FNBP1L: variants seen among roughly 807,000 people sequenced by gnomAD.
The protein encoded by FNBP1L is formin-binding protein 1-like.
FNBP1L carries 36 observed loss-of-function variants against 91.2 expected under a neutral mutation model. The observed-to-expected ratio is 0.39, with a 90% CI of 0.30 to 0.52. FNBP1L has a LOEUF of 0.52. FNBP1L is among the 20% of genes least tolerant of loss of function. The pLI is 0.66. For synonymous variants in FNBP1L, 242 were observed against 237.0 expected, an observed-to-expected ratio of 1.02 and a Z score of -0.19; for missense variants, 571 against 732.1, an observed-to-expected ratio of 0.78 and a Z score of 2.54.
chr1:93,544,839 G>A (rs956516318), intron 12 of FNBP1L, among the ~76,000 whole-genome samples: 2 of 152,064 alleles, frequency 1.3e-5, no homozygotes, highest in Non-Finnish European at 2.9e-5. Flanking sequence ...GGTGTGATGT[G>A]GCGCTTAATC....
chr1:93,448,770 C>T (rs1385875566), intron 1 of FNBP1L, among the ~76,000 whole-genome samples: 1 of 152,148 alleles, frequency 6.6e-6, no homozygotes, highest in Admixed American at 6.5e-5. Context: ...TCGCCCGGGC[C>T]AGGTCCGCGG....
At chr1:93,487,689 T>G (rs1485243863) in intron 1 of FNBP1L, among the ~76,000 whole-genome samples, 2 of 152,174 alleles carry the variant, frequency 1.3e-5, no homozygotes, top group Admixed American at 6.5e-5. Context: ...GACTAAGATT[T>G]TCATCACTGT....
At chr1:93,545,444 C>T (rs1353502868) in intron 12 of FNBP1L, among the ~76,000 whole-genome samples, 1 of 152,078 alleles carries the variant, frequency 6.6e-6, no homozygotes, top group Non-Finnish European at 1.5e-5. Context: ...TGTGAATGTT[C>T]TTGCCATGGA....
At chr1:93,537,778 G>A (rs949101475) in intron 10 of FNBP1L, among the ~76,000 whole-genome samples, 2 of 152,082 alleles carry the variant, frequency 1.3e-5, no homozygotes, top group African/African-American at 4.8e-5. Flanking sequence ...TCATATTTGG[G>A]ATTTCTATTG....
intron 2 of FNBP1L, among the ~76,000 whole-genome samples, chr1:93,507,099 ACACACACACTCTCTCTCTCTCTCTCT>A (rs1298426729): frequency 3.7e-3 from 244 of 66,312 alleles, no homozygotes; most frequent in Non-Finnish European, 4.7e-3. Context: ...ACACACACAC[ACACACACACTCTCTCTCTCTCTCTCT>A]CTCTCTCTCT....
chr1:93,523,068 C>G (rs1671382680), intron 3 of FNBP1L, among the ~76,000 whole-genome samples: 1 of 152,184 alleles, frequency 6.6e-6, no homozygotes, highest in Non-Finnish European at 1.5e-5. Context: ...TTAAGAGATT[C>G]CAGTATGCCA....
At chr1:93,482,163 AAAAT>A (rs985956080) in intron 1 of FNBP1L, among the ~76,000 whole-genome samples, 3 of 152,182 alleles carry the variant, frequency 2.0e-5, no homozygotes, top group African/African-American at 7.2e-5. Context: ...CCCTGTCTCA[AAAAT>A]AAATAAATAA....
chr1:93,507,239 G>A (rs1219972596), intron 2 of FNBP1L, among the ~76,000 whole-genome samples: 1 of 141,656 alleles, frequency 7.1e-6, no homozygotes, highest in Non-Finnish European at 1.5e-5. Flanking sequence ...TATGTACTGT[G>A]TGTATAAAAC....
chr1:93,488,507 C>G (rs1669989378), intron 1 of FNBP1L: 1 of 152,130 alleles, frequency 6.6e-6, no homozygotes, highest in Non-Finnish European at 1.5e-5. Context: ...TAAAAACTTG[C>G]ATTGGGTCAT....
intron 1 of FNBP1L, among the ~76,000 whole-genome samples, chr1:93,495,006 A>C (rs1670216796): frequency 6.8e-6 from 1 of 147,224 alleles, no homozygotes; most frequent in Non-Finnish European, 1.5e-5. Flanking sequence ...CCATCCCATG[A>C]CATGTGGGGA....
chr1:93,543,987 C>CCGTAGCA, intron 11 of FNBP1L, 120 bp from the exon 12 acceptor site: 2 of 528,914 alleles, frequency 3.8e-6, no homozygotes, highest in Non-Finnish European at 2.9e-6. Context: ...TAAGGGGTTG[C>CCGTAGCA]TTGAGGCAAA....
chr1:93,526,400 G>A (rs925575189), intron 5 of FNBP1L, among the ~76,000 whole-genome samples: 1 of 152,166 alleles, frequency 6.6e-6, no homozygotes, highest in African/African-American at 2.4e-5. Context: ...CTTAAGGTCA[G>A]CAGTAGGCTT....
intron 1 of FNBP1L, among the ~76,000 whole-genome samples, chr1:93,459,583 G>T (rs942376998): frequency 6.6e-6 from 1 of 152,206 alleles, no homozygotes; most frequent in Admixed American, 6.5e-5. Context: ...AAATGTTGGT[G>T]AGGATGTGAA....
chr1:93,468,978 G>T (rs1669189135), intron 1 of FNBP1L, among the ~76,000 whole-genome samples: 1 of 151,886 alleles, frequency 6.6e-6, no homozygotes, highest in Non-Finnish European at 1.5e-5. Context: ...TCTTATTGTG[G>T]TTTTGATTTA....
At chr1:93,508,079 G>A (rs1670697439) in intron 2 of FNBP1L, among the ~76,000 whole-genome samples, 1 of 151,882 alleles carries the variant, frequency 6.6e-6, no homozygotes, top group South Asian at 2.1e-4. Context: ...CCGGGGCGGT[G>A]GCTAACCCCC....
chr1:93,513,190 A>G (rs916730226), intron 2 of FNBP1L, among the ~76,000 whole-genome samples: 2 of 152,094 alleles, frequency 1.3e-5, no homozygotes, highest in African/African-American at 4.8e-5. Flanking sequence ...AAATTCCTCG[A>G]CACATACACT....
intron 2 of FNBP1L, among the ~76,000 whole-genome samples, chr1:93,515,694 T>C (rs1671073781): frequency 7.0e-6 from 1 of 142,240 alleles, no homozygotes. Context: ...ATATTCTCCC[T>C]CATAGGTGGG....
intron 2 of FNBP1L, among the ~76,000 whole-genome samples, chr1:93,517,514 A>T (rs943413182): frequency 2.6e-5 from 4 of 152,176 alleles, no homozygotes; most frequent in African/African-American, 9.7e-5. Context: ...TCTTTTAAAA[A>T]AATCCCTTCT....
intron 1 of FNBP1L, among the ~76,000 whole-genome samples, chr1:93,468,984 A>G (rs750478949): frequency 5.3e-5 from 8 of 151,900 alleles, no homozygotes; most frequent in Non-Finnish European, 8.8e-5. Context: ...TGTGGTTTTG[A>G]TTTACATTTA....
Sources: allele counts gnomAD v4.1 joint callset (sites outside exome capture counted in the v4.1 genomes callset), GRCh38; gene constraint gnomAD v4.1.1; transcripts MANE v1.5; gene names NCBI Gene and HGNC (gene_info 2026-07-23, HGNC 2026-07-21).